The following MYT1L variants were observed in gnomAD, a reference collection of about 807,000 sequenced individuals.
MYT1L encodes myelin transcription factor 1-like protein.
A neutral mutation model predicts 126.7 loss-of-function variants in MYT1L; 12 were observed. The ratio of observed to expected loss-of-function variants is 0.09; its 90% CI spans 0.06 to 0.15. The LOEUF is 0.15. Among genes scored for constraint, MYT1L ranks in the 10% least tolerant of loss-of-function variants. MYT1L has a pLI of 1.00. For synonymous variants in MYT1L, 541 were observed against 604.2 expected, an observed-to-expected ratio of 0.90 and a Z score of 1.53; for missense variants, 979 against 1,585.2, an observed-to-expected ratio of 0.62 and a Z score of 6.49.
At chr2:2,180,017 ACT>A (rs1317513527) in intron 2 of MYT1L, among the ~76,000 whole-genome samples, 2 of 151,972 alleles carry the variant, frequency 1.3e-5, no homozygotes, top group South Asian at 4.1e-4. Flanking sequence ...ACCTTCACAC[ACT>A]GTTTCACACA....
intron 8 of MYT1L, among the ~76,000 whole-genome samples, chr2:1,966,765 A>C (rs953959378): frequency 7.1e-6 from 1 of 141,018 alleles, no homozygotes; most frequent in Non-Finnish European, 1.5e-5. Context: ...CTCATGTTAT[A>C]ATGTTAAGTG....
At chr2:2,004,938 G>A (rs995081410) in intron 4 of MYT1L, among the ~76,000 whole-genome samples, 1 of 148,618 alleles carries the variant, frequency 6.7e-6, no homozygotes, top group Non-Finnish European at 1.5e-5. Context: ...ATTCTTTCCT[G>A]CATGCGTTCT....
At position 1,922,634 on chromosome 2, in the gene MYT1L, T is replaced by G; in HGVS notation, c.1135A>C (p.Met379Leu). Residue 379 changes from methionine (M) to leucine (L), a missense_variant, in exon 10 of 25, where the codon ATG (methionine) becomes CTG (leucine). Physicochemically the swap from Met to Leu is conservative, Grantham distance 15. Coordinates refer to ENST00000647738, the MANE Select transcript of MYT1L (RefSeq NM_001303052.2). The surrounding 1 kb of genome is among the most constrained non-coding windows in gnomAD (Gnocchi z 7.4). ...TCCTCCAGCCGCATGAGGTTCAGCA[T>G]GTCCGAGTAGTTTCTGTCCGGCGTC... ...GRTPDRNYSDMLNLMRLEEQL... is the reference protein window; with the variant it reads ...GRTPDRNYSDLLNLMRLEEQL... 1 of 1,613,996 alleles carries G rather than the reference T, an allele frequency of 6.2e-7. No homozygotes were observed. Among genetic ancestry groups the G allele is most frequent in the Non-Finnish European group, 8.5e-7 (1 of 1,179,878 alleles).
chr2:1,892,698 G>A (rs570190099), intron 14 of MYT1L, among the ~76,000 whole-genome samples: 74 of 152,084 alleles, frequency 4.9e-4, no homozygotes, highest in Non-Finnish European at 8.4e-4. Context: ...GGCCCTAAGC[G>A]TGAGTGGGGC....
At chr2:1,832,051 G>C (rs916001144) in intron 21 of MYT1L, among the ~76,000 whole-genome samples, 2 of 152,254 alleles carry the variant, frequency 1.3e-5, no homozygotes, top group East Asian at 3.9e-4. Context: ...CCACTTTTAT[G>C]GTGTGAGTAT....
At chr2:2,189,398 A>G (rs1244299715) in intron 2 of MYT1L, among the ~76,000 whole-genome samples, 6 of 152,236 alleles carry the variant, frequency 3.9e-5, no homozygotes, top group South Asian at 2.1e-4. Flanking sequence ...GCTTCAGCCA[A>G]AACAACTTAT....
intron 1 of MYT1L, among the ~76,000 whole-genome samples, chr2:2,288,923 T>G (rs1022547159): frequency 1.3e-5 from 2 of 152,246 alleles, no homozygotes; most frequent in African/African-American, 4.8e-5. Flanking sequence ...AACTCAAAGT[T>G]ACTTAATAAT....
chr2:1,937,657 C>A (rs1372779156), intron 9 of MYT1L, among the ~76,000 whole-genome samples: 4 of 151,876 alleles, frequency 2.6e-5, no homozygotes, highest in Admixed American at 2.6e-4. Context: ...ACATCCGCGG[C>A]CATCAGATCG....
At chr2:2,056,540 A>G (rs2069590672) in intron 3 of MYT1L, among the ~76,000 whole-genome samples, 1 of 152,208 alleles carries the variant, frequency 6.6e-6, no homozygotes, top group Admixed American at 6.5e-5. Flanking sequence ...TGCTTTTAAC[A>G]ATAGGTCCTC....
At chr2:2,250,926 G>C (rs6548119) in intron 2 of MYT1L, among the ~76,000 whole-genome samples, 68,171 of 151,852 alleles carry the variant, frequency 0.45, 16,141 homozygotes, top group East Asian at 0.82. Context: ...ATTAATTATA[G>C]CATGATTTAT....
chr2:2,022,854 T>C (rs1024801237), intron 4 of MYT1L, among the ~76,000 whole-genome samples: 4 of 152,244 alleles, frequency 2.6e-5, no homozygotes, highest in African/African-American at 4.8e-5. Context: ...CCTGCCTACC[T>C]GCGACCAAAT....
At chr2:2,300,878 T>C (rs11897032) in intron 1 of MYT1L, among the ~76,000 whole-genome samples, 36,328 of 152,086 alleles carry the variant, frequency 0.24, 4,796 homozygotes, top group South Asian at 0.42. Context: ...TCTTCTACTC[T>C]ACCAGGAAAA....
At chr2:1,875,306 C>T (rs975270665) in intron 18 of MYT1L, among the ~76,000 whole-genome samples, 2 of 152,056 alleles carry the variant, frequency 1.3e-5, no homozygotes, top group South Asian at 4.2e-4. Flanking sequence ...GGGTGAACAG[C>T]CTGGATTTCA....
chr2:2,177,292 G>A (rs1318646709), intron 2 of MYT1L, among the ~76,000 whole-genome samples: 2 of 152,212 alleles, frequency 1.3e-5, no homozygotes, highest in Non-Finnish European at 2.9e-5. Flanking sequence ...ATAGATACCT[G>A]CATAAAATGT....
chr2:2,092,396 G>A (rs1331850570), intron 3 of MYT1L, among the ~76,000 whole-genome samples: 3 of 152,128 alleles, frequency 2.0e-5, no homozygotes, highest in Non-Finnish European at 4.4e-5. Flanking sequence ...TGTTTGCAGT[G>A]CCCTCCAGAA....
rs759233511 is a variant in MYT1L, at chr2:1,912,135, C to A, written c.1619-25G>T. ...ACTTGACAGGGAGAGGCAAAGAGAA[C>A]AGCCAGTGTTAAAACAGAGGCACGG... On this transcript the variant is annotated intron_variant, in intron 11 of 24. Transcript: ENST00000647738. This position sits in a 1 kb window ranked among gnomAD's most constrained non-coding sequence, Gnocchi z 4.3. 2 of 1,526,024 alleles carry A rather than the reference C, an allele frequency of 1.3e-6. No individual in the cohort carries two copies. Among genetic ancestry groups the A allele is most frequent in the South Asian group, 1.2e-5 (1 of 82,960 alleles). 94.5% of individuals were successfully genotyped at this position (1,526,024 alleles called of 1,614,324 possible). A position where few individuals can be genotyped will look rare whatever the true frequency, so the allele number is the denominator to read the frequency against.
intron 10 of MYT1L, among the ~76,000 whole-genome samples, chr2:1,918,518 A>G (rs529726832): frequency 6.0e-4 from 91 of 152,374 alleles, no homozygotes; most frequent in African/African-American, 1.9e-3. Flanking sequence ...AATTCACTTT[A>G]TATCAATAAA....
At chr2:1,942,927 T>C (rs1054266466) in intron 9 of MYT1L, 55 bp downstream of exon 9, 3 of 1,482,424 alleles carry the variant, frequency 2.0e-6, no homozygotes, top group Non-Finnish European at 2.7e-6. Flanking sequence ...GCAATTCACC[T>C]TGAACAGTGG....
Position 1,831,141 on chromosome 2 carries a change from C to T in MYT1L, c.3080+8008G>A, listed in dbSNP as rs928017189. 2.0e-5 allele frequency among the ~76,000 whole-genome samples: 3 copies of T among 146,392 alleles called. No individual in the cohort carries two copies. The South Asian group carries it at 6.3e-4, about 31-fold the overall frequency. On this transcript the variant is annotated intron_variant, in intron 21 of 24. Transcript: ENST00000647738. ...CCTGCAACCCCACTCGGGTGCCCGACGCGTGTGTGAATGACTCCCATGAAG... is the reference window on the plus strand; with the variant it reads ...CCTGCAACCCCACTCGGGTGCCCGATGCGTGTGTGAATGACTCCCATGAAG...
Sources: allele counts gnomAD v4.1 joint callset (sites outside exome capture counted in the v4.1 genomes callset), GRCh38; gene constraint gnomAD v4.1.1; non-coding constraint Gnocchi (gnomAD v3.1); transcripts MANE v1.5; gene names NCBI Gene and HGNC (gene_info 2026-07-23, HGNC 2026-07-21).